GABRA3: variants seen among roughly 807,000 people sequenced by gnomAD.
The protein encoded by GABRA3 is gamma-aminobutyric acid receptor subunit alpha-3.
Under a neutral mutation model 30.1 loss-of-function variants are expected in GABRA3, and 10 were observed. That is an observed-to-expected ratio of 0.33 (90% confidence interval 0.20 to 0.56). GABRA3 has a LOEUF of 0.56. Among genes scored for constraint, GABRA3 ranks in the 20% least tolerant of loss-of-function variants. The pLI, the probability that GABRA3 is intolerant of heterozygous loss-of-function variation, is 0.89. For missense variants in GABRA3, 233 were observed against 392.0 expected (o/e 0.59, Z 3.42); for synonymous variants, 151 against 146.8 (o/e 1.03, Z -0.21).
At chrX:152,354,350 T>C (rs1235033465) in intron 2 of GABRA3, among the ~76,000 whole-genome samples, 1 of 111,611 alleles carries the variant, frequency 9.0e-6, no homozygotes, top group African/African-American at 3.3e-5. Context: ...AAGGATTATA[T>C]TAATCAACAT....
chrX:152,346,881 C>T (rs1490613850), intron 2 of GABRA3, among the ~76,000 whole-genome samples: 1 of 111,738 alleles, frequency 8.9e-6, no homozygotes, highest in Admixed American at 9.5e-5. Context: ...AACCCTCGTA[C>T]ACTGTTGGTG....
intron 3 of GABRA3, among the ~76,000 whole-genome samples, chrX:152,334,133 TAGAC>T (rs1258474449): frequency 3.6e-5 from 4 of 112,173 alleles, no homozygotes; most frequent in African/African-American, 9.7e-5. Flanking sequence ...ACTAGCCTAA[TAGAC>T]AGAGAAAGAA....
At chrX:152,385,317 A>G (rs1929270684) in intron 1 of GABRA3, among the ~76,000 whole-genome samples, 1 of 112,005 alleles carries the variant, frequency 8.9e-6, no homozygotes, top group Admixed American at 9.4e-5. Context: ...AAGCATGTTC[A>G]TAGAAACACT....
chrX:152,405,936 C>T (rs1303475706), intron 1 of GABRA3, among the ~76,000 whole-genome samples: 2 of 111,544 alleles, frequency 1.8e-5, no homozygotes, highest in Non-Finnish European at 3.8e-5. Context: ...GACCTCTCCC[C>T]TAACTCCAGA....
intron 1 of GABRA3, among the ~76,000 whole-genome samples, chrX:152,425,498 T>C (rs1052403618): frequency 9.0e-6 from 1 of 111,541 alleles, no homozygotes. Context: ...TTTCTTTGTC[T>C]TTCATGAAAA....
intron 5 of GABRA3, among the ~76,000 whole-genome samples, chrX:152,230,524 C>A (rs1233953047): frequency 2.7e-5 from 3 of 110,609 alleles, no homozygotes; most frequent in African/African-American, 9.8e-5. Context: ...ATAGCCAAAG[C>A]ATCTTTCAAA....
At chrX:152,243,494 C>G (rs1430163636) in intron 5 of GABRA3, among the ~76,000 whole-genome samples, 1 of 111,476 alleles carries the variant, frequency 9.0e-6, no homozygotes, top group African/African-American at 3.3e-5. Flanking sequence ...GCATGGATTC[C>G]AAAGCCAGAC....
At chrX:152,285,656 A>G (rs1455208725) in intron 3 of GABRA3, among the ~76,000 whole-genome samples, 1 of 111,213 alleles carries the variant, frequency 9.0e-6, no homozygotes, top group African/African-American at 3.3e-5. Flanking sequence ...TATAAAGAAC[A>G]TAAATTCATT....
At chrX:152,386,218 C>A (rs1405325604) in intron 1 of GABRA3, among the ~76,000 whole-genome samples, 183 of 108,598 alleles carry the variant, frequency 1.7e-3, no homozygotes, top group Middle Eastern at 4.7e-3. Flanking sequence ...ATTCTTCCTA[C>A]CCATGAGCAT....
At chrX:152,214,243 T>C (rs893226157) in intron 6 of GABRA3, among the ~76,000 whole-genome samples, 2 of 111,579 alleles carry the variant, frequency 1.8e-5, no homozygotes, top group Admixed American at 9.5e-5. Context: ...CAGCAGACCA[T>C]GATTTCATCC....
intron 3 of GABRA3, among the ~76,000 whole-genome samples, chrX:152,308,652 T>G (rs1492295): frequency 0.21 from 23,556 of 111,027 alleles, 2,283 homozygotes; most frequent in African/African-American, 0.38. Context: ...CCCATCCAAA[T>G]GACAGCAACT....
At chrX:152,175,868 T>C (rs1423639720) in intron 9 of GABRA3, among the ~76,000 whole-genome samples, 1 of 109,725 alleles carries the variant, frequency 9.1e-6, no homozygotes, top group Non-Finnish European at 1.9e-5. Context: ...ATCGAGATCA[T>C]CCTGGCTAAC....
chrX:152,232,677 A>G (rs1209994110), intron 5 of GABRA3, among the ~76,000 whole-genome samples: 1 of 107,482 alleles, frequency 9.3e-6, no homozygotes, highest in African/African-American at 3.4e-5. Context: ...ACAGCATTAT[A>G]TATATATACA....
chrX:152,240,313 A>C (rs1228314566), intron 5 of GABRA3, among the ~76,000 whole-genome samples: 1 of 99,109 alleles, frequency 1.0e-5, no homozygotes, highest in Non-Finnish European at 1.9e-5. Context: ...AAGAACGTTG[A>C]ATATTGGCCC....
intron 1 of GABRA3, among the ~76,000 whole-genome samples, chrX:152,417,830 T>A (rs1930270908): frequency 1.1e-5 from 1 of 88,720 alleles, no homozygotes; most frequent in Non-Finnish European, 2.2e-5. Flanking sequence ...AACAATGAGA[T>A]CACATGGACA....
intron 8 of GABRA3, among the ~76,000 whole-genome samples, chrX:152,197,004 A>T (rs113967208): frequency 0.013 from 1,425 of 112,352 alleles, 31 homozygotes; most frequent in African/African-American, 0.044. Flanking sequence ...GTAGCTGAAA[A>T]AATTAATATT....
At chrX:152,340,614 A>C (rs1368209496) in intron 3 of GABRA3, among the ~76,000 whole-genome samples, 4 of 112,277 alleles carry the variant, frequency 3.6e-5, no homozygotes, top group Non-Finnish European at 7.5e-5. Flanking sequence ...AAAGAATCCT[A>C]GGATGGCTTT....
chrX:152,176,065 A>ACAAT (rs1372124815), intron 9 of GABRA3, among the ~76,000 whole-genome samples: 1 of 93,934 alleles, frequency 1.1e-5, no homozygotes, highest in Non-Finnish European at 2.1e-5. Flanking sequence ...TTCCATCTCA[A>ACAAT]AAATAAATAA....
chrX:152,178,197 G>A (rs1937098063), intron 9 of GABRA3, among the ~76,000 whole-genome samples: 1 of 111,095 alleles, frequency 9.0e-6, no homozygotes, highest in African/African-American at 3.3e-5. Flanking sequence ...GGACCATGTA[G>A]TTTAGTTTTG....
Sources: allele counts gnomAD v4.1 joint callset (sites outside exome capture counted in the v4.1 genomes callset), GRCh38; gene constraint gnomAD v4.1.1; transcripts MANE v1.5; gene names NCBI Gene and HGNC (gene_info 2026-07-23, HGNC 2026-07-21).